DIS3L2: variants seen among roughly 807,000 people sequenced by gnomAD.
DIS3L2 encodes the protein DIS3-like exonuclease 2.
DIS3L2 carries 34 observed loss-of-function variants against 97.5 expected under a neutral mutation model. The observed-to-expected ratio is 0.35, with a 90% CI of 0.27 to 0.46. The LOEUF is 0.46. Among genes scored for constraint, DIS3L2 ranks in the 20% least tolerant of loss-of-function variants. DIS3L2 has a pLI of 1.00. For missense variants in DIS3L2, 1,038 were observed against 1,146.0 expected (o/e 0.91, Z 1.36); for synonymous variants, 435 against 445.2 (o/e 0.98, Z 0.29).
At chr2:232,054,814 G>T (rs1014525316) in intron 5 of DIS3L2, among the ~76,000 whole-genome samples, 2 of 152,110 alleles carry the variant, frequency 1.3e-5, no homozygotes, top group African/African-American at 4.8e-5. Context: ...TAAGAAAATT[G>T]TAGGCAAAGT....
At chr2:232,206,368 C>G (rs1692025791) in intron 9 of DIS3L2, among the ~76,000 whole-genome samples, 1 of 152,146 alleles carries the variant, frequency 6.6e-6, no homozygotes, top group Non-Finnish European at 1.5e-5. Context: ...TGTGAAGGGT[C>G]ACATAGGAAA....
chr2:232,247,123 T>A (rs951067691), intron 11 of DIS3L2, among the ~76,000 whole-genome samples: 6 of 152,186 alleles, frequency 3.9e-5, no homozygotes, highest in African/African-American at 1.2e-4. Context: ...TAACTATCTG[T>A]ACAAAAGGCA....
intron 5 of DIS3L2, among the ~76,000 whole-genome samples, chr2:232,058,581 A>G (rs551604847): frequency 1.3e-5 from 2 of 152,236 alleles, no homozygotes; most frequent in African/African-American, 4.8e-5. Flanking sequence ...ACTGTCACCA[A>G]TTATCTTTGT....
intron 9 of DIS3L2, among the ~76,000 whole-genome samples, chr2:232,190,210 G>A (rs1691571059): frequency 6.6e-6 from 1 of 152,044 alleles, no homozygotes; most frequent in Non-Finnish European, 1.5e-5. Context: ...GTGCATGCCT[G>A]TGGTTCCCAG....
intron 3 of DIS3L2, chr2:232,015,872 C>A: frequency 2.1e-6 from 1 of 466,554 alleles, no homozygotes; most frequent in African/African-American, 1.9e-5. Context: ...ATAAGCACCA[C>A]AAGACAGGAA....
In DIS3L2 at chr2:232,130,624, G is replaced by C. The variant is rs761214979; in HGVS notation, c.607G>C (p.Glu203Gln). Reference protein sequence around the residue: ...LSVCVSEKGREDGDAPVTKDE... With the variant: ...LSVCVSEKGRQDGDAPVTKDE... ...TCTTTATCTTTTTAATGTAGGAAGAGAGGATGGTGATGCACCGGTTACAAA... is the reference window on the plus strand; with the variant it reads ...TCTTTATCTTTTTAATGTAGGAAGACAGGATGGTGATGCACCGGTTACAAA... Residue 203 changes from glutamate to glutamine, a missense_variant, in exon 7 of 21, where the codon GAG becomes CAG. Physicochemically the swap from Glu to Gln is conservative, Grantham distance 29. Around this residue, in one of 3 missense-constraint regions of DIS3L2, gnomAD observed 813 missense variants for 880.1 expected, o/e 0.92. Coordinates refer to ENST00000325385, the MANE Select transcript of DIS3L2 (RefSeq NM_152383.5). The C allele has an allele frequency of 1.9e-6, 3 of 1,609,738 alleles. No homozygotes were observed. Among genetic ancestry groups the C allele is most frequent in the Non-Finnish European group, 2.5e-6 (3 of 1,178,170 alleles).
At chr2:231,979,880 T>G (rs1693204086) in intron 1 of DIS3L2, among the ~76,000 whole-genome samples, 1 of 152,036 alleles carries the variant, frequency 6.6e-6, no homozygotes, top group African/African-American at 2.4e-5. Context: ...CCGGCCTATT[T>G]TTTATGTGTA....
chr2:232,297,958 A>G (rs140961664), intron 13 of DIS3L2, among the ~76,000 whole-genome samples: 2,103 of 152,186 alleles, frequency 0.014, 32 homozygotes, highest in African/African-American at 0.039. Flanking sequence ...CGGCCTCCCA[A>G]AGTGCTAGGA....
At chr2:232,098,312 A>G (rs1015762283) in intron 6 of DIS3L2, among the ~76,000 whole-genome samples, 11 of 151,476 alleles carry the variant, frequency 7.3e-5, no homozygotes, top group Non-Finnish European at 1.6e-4. Flanking sequence ...GGCTCCTTGT[A>G]TCTTCTCATC....
At chr2:232,016,936 C>T (rs1030068399) in intron 3 of DIS3L2, among the ~76,000 whole-genome samples, 1 of 144,518 alleles carries the variant, frequency 6.9e-6, no homozygotes, top group Admixed American at 6.9e-5. Flanking sequence ...CTCCCTCCCT[C>T]CCTCCCTTCC....
chr2:232,017,681 A>G (rs1397329738), intron 3 of DIS3L2, among the ~76,000 whole-genome samples: 1 of 152,002 alleles, frequency 6.6e-6, no homozygotes, highest in East Asian at 1.9e-4. Context: ...TTTTCCTCTA[A>G]AAACTGTTCT....
At chr2:232,103,913 A>T (rs961783679) in intron 6 of DIS3L2, among the ~76,000 whole-genome samples, 2 of 152,106 alleles carry the variant, frequency 1.3e-5, no homozygotes, top group African/African-American at 4.8e-5. Context: ...CACATACTGT[A>T]ATGTATTAGA....
chr2:232,057,927 A>G (rs1257904893), intron 5 of DIS3L2, among the ~76,000 whole-genome samples: 13 of 152,220 alleles, frequency 8.5e-5, no homozygotes, highest in African/African-American at 3.1e-4. Context: ...ATTTTTCTAT[A>G]TGTAATTAAA....
At chr2:232,146,105 G>A (rs1365045557) in intron 8 of DIS3L2, among the ~76,000 whole-genome samples, 1 of 152,122 alleles carries the variant, frequency 6.6e-6, no homozygotes, top group Non-Finnish European at 1.5e-5. Context: ...TGCTTTGTGG[G>A]CCTAGTTCAA....
In DIS3L2 at chr2:232,325,943, T is replaced by G. The variant is rs1398616264; in HGVS notation, c.1740-3870T>G. ...CCCGTCCAGCAGCCCCAGTGCCCAC[T>G]CTGCGCCCTTCGGGGCTCCCGTGGC... is the stretch of plus-strand genomic sequence containing the variant. On this transcript the variant is annotated intron_variant, in intron 14 of 20. Transcript: ENST00000325385. This position sits in a 1 kb window ranked among gnomAD's most constrained non-coding sequence, Gnocchi z 4.6. 6.6e-6 allele frequency among the ~76,000 whole-genome samples: 1 copy of G among 152,202 alleles called. No individual in the cohort carries two copies. Among genetic ancestry groups the G allele is most frequent in the Non-Finnish European group, 1.5e-5 (1 of 68,024 alleles).
At chr2:232,304,441 C>T (rs1032769730) in intron 14 of DIS3L2, among the ~76,000 whole-genome samples, 1 of 152,198 alleles carries the variant, frequency 6.6e-6, no homozygotes, top group Admixed American at 6.5e-5. Context: ...AAGCGCACTC[C>T]AGCACCCTGT....
At chr2:232,181,306 C>T (rs1199733281) in intron 9 of DIS3L2, among the ~76,000 whole-genome samples, 1 of 151,956 alleles carries the variant, frequency 6.6e-6, no homozygotes, top group East Asian at 1.9e-4. Context: ...TTGCTCTTCT[C>T]GAGGAGTATC....
intron 1 of DIS3L2, among the ~76,000 whole-genome samples, chr2:231,974,372 AT>A (rs988058285): frequency 3.3e-5 from 5 of 150,876 alleles, no homozygotes; most frequent in African/African-American, 7.3e-5. Context: ...TCAGCTGTCA[AT>A]TTTTTTTTCA....
At chr2:232,270,693 T>C (rs544997331) in intron 13 of DIS3L2, among the ~76,000 whole-genome samples, 1 of 152,380 alleles carries the variant, frequency 6.6e-6, no homozygotes, top group Non-Finnish European at 1.5e-5. Context: ...GATATGGATA[T>C]ATTTAAGATT....
Sources: gnomAD v4.1 joint callset for allele counts (sites outside exome capture counted in the v4.1 genomes callset) on GRCh38, gnomAD v4.1.1 for gene constraint, gnomAD v4.1.1 regional missense constraint, Gnocchi (gnomAD v3.1) non-coding constraint, MANE v1.5 for transcripts, NCBI Gene and HGNC (gene_info 2026-07-23, HGNC 2026-07-21) for gene names.